DPYD: variants seen among roughly 807,000 people sequenced by gnomAD.
DPYD encodes the protein dihydropyrimidine dehydrogenase.
In DPYD, 109 loss-of-function variants were observed where a neutral mutation model predicts 116.2. The ratio of observed to expected loss-of-function variants is 0.94; its 90% CI spans 0.80 to 1.10. The LOEUF is 1.10. Ranked by LOEUF, DPYD falls within the 50% of genes least tolerant of loss-of-function variation. The pLI, the probability that DPYD is intolerant of heterozygous loss-of-function variation, is 0.00. For synonymous variants in DPYD, 440 were observed against 432.0 expected (o/e 1.02, Z -0.23); for missense variants, 1,302 against 1,254.5 (o/e 1.04, Z -0.57).
At chr1:97,253,188 T>C (rs762551445) in intron 18 of DPYD, among the ~76,000 whole-genome samples, 1 of 152,140 alleles carries the variant, frequency 6.6e-6, no homozygotes, top group Non-Finnish European at 1.5e-5. Flanking sequence ...TCACAATCAA[T>C]GATTACAAGC....
At chr1:97,514,872 G>T (rs1402028600) in intron 13 of DPYD, among the ~76,000 whole-genome samples, 6 of 151,638 alleles carry the variant, frequency 4.0e-5, no homozygotes. Flanking sequence ...GTGCTTAATG[G>T]GGCATGTTTG....
chr1:97,465,661 C>G (rs763622041), intron 13 of DPYD, among the ~76,000 whole-genome samples: 9 of 152,202 alleles, frequency 5.9e-5, no homozygotes, highest in Non-Finnish European at 1.2e-4. Flanking sequence ...TCCTTGCCTT[C>G]TGCTATGATT....
intron 8 of DPYD, among the ~76,000 whole-genome samples, chr1:97,610,954 T>C (rs1655904949): frequency 6.6e-6 from 1 of 151,534 alleles, no homozygotes; most frequent in Non-Finnish European, 1.5e-5. Flanking sequence ...TTTGTAACTA[T>C]ATATCGGTGT....
intron 14 of DPYD, among the ~76,000 whole-genome samples, chr1:97,429,051 G>A (rs1675029822): frequency 6.6e-6 from 1 of 151,896 alleles, no homozygotes; most frequent in Non-Finnish European, 1.5e-5. Context: ...TTTTAGAAAT[G>A]AACATTAGAC....
chr1:97,381,582 T>C (rs1671971016), intron 15 of DPYD, among the ~76,000 whole-genome samples: 1 of 152,180 alleles, frequency 6.6e-6, no homozygotes, highest in Non-Finnish European at 1.5e-5. Context: ...CCCTTCTCAG[T>C]TTTAAAATAT....
intron 11 of DPYD, among the ~76,000 whole-genome samples, chr1:97,550,636 T>C (rs1651252531): frequency 6.6e-6 from 1 of 152,144 alleles, no homozygotes; most frequent in Non-Finnish European, 1.5e-5. Flanking sequence ...GGATAAAATG[T>C]TCTCTCCAGG....
chr1:97,415,787 G>T (rs188659552), intron 14 of DPYD, among the ~76,000 whole-genome samples: 9 of 152,270 alleles, frequency 5.9e-5, no homozygotes, highest in Admixed American at 3.9e-4. Context: ...ACACTAACAG[G>T]TATGTTTACT....
chr1:97,134,015 ATATATATATATATATATATATATAT>A lies in DPYD; in HGVS notation c.2623-35408_2623-35384del, dbSNP rs1312542456. ...CTCTGTTTCAAAAAAAAAAAAAAAA[ATATATATATATATATATATATATAT>A]ATATATATATATATATATATATATA... On this transcript the variant is annotated intron_variant, in intron 20 of 22. Transcript: ENST00000370192. Among the ~76,000 whole-genome samples, 138 of 18,994 alleles carry A rather than the reference ATATATATATATATATATATATATAT, an allele frequency of 7.3e-3. 15 individuals carry two copies. Among genetic ancestry groups the A allele is most frequent in the African/African-American group, 0.015 (121 of 8,084 alleles). 12.5% of individuals were successfully genotyped at this position (18,994 alleles called of 152,430 possible). A position where few individuals can be genotyped will look rare whatever the true frequency, so the allele number is the denominator to read the frequency against.
At chr1:97,820,141 A>T (rs1241298120) in intron 3 of DPYD, among the ~76,000 whole-genome samples, 1 of 152,134 alleles carries the variant, frequency 6.6e-6, no homozygotes, top group East Asian at 1.9e-4. Flanking sequence ...ATTTAGCAAC[A>T]GATGCAATAT....
chr1:97,617,083 T>A (rs768717571), intron 8 of DPYD, among the ~76,000 whole-genome samples: 1 of 152,104 alleles, frequency 6.6e-6, no homozygotes, highest in African/African-American at 2.4e-5. Context: ...ACACATGCAG[T>A]CCAAGCTGCT....
intron 5 of DPYD, among the ~76,000 whole-genome samples, chr1:97,713,984 T>C (rs1329365436): frequency 5.9e-5 from 9 of 152,240 alleles, no homozygotes; most frequent in African/African-American, 1.9e-4. Context: ...TAGCTATATA[T>C]ATTAGTAATT....
Position 97,393,871 on chromosome 1 carries a change from T to A in DPYD, c.1906-11410A>T, listed in dbSNP as rs1488317215. Among the ~76,000 whole-genome samples the A allele has an allele frequency of 3.3e-5, 5 of 152,180 alleles. No homozygotes were observed. The East Asian group carries it at 7.7e-4, about 23-fold the overall frequency. On this transcript the variant is annotated intron_variant, in intron 14 of 22. Transcript: ENST00000370192. ...AGATCCTTGAGGAACTGCCACACTGTCTTCCACAATGGTTGAATTAGTTTA... is the reference window on the plus strand; with the variant it reads ...AGATCCTTGAGGAACTGCCACACTGACTTCCACAATGGTTGAATTAGTTTA...
intron 3 of DPYD, among the ~76,000 whole-genome samples, chr1:97,767,276 T>C (rs560775894): frequency 1.3e-5 from 2 of 152,312 alleles, no homozygotes; most frequent in South Asian, 4.1e-4. Flanking sequence ...CCAGGGATGG[T>C]AGTCTTTGAT....
At chr1:97,084,817 T>G (rs150017017) in intron 21 of DPYD, among the ~76,000 whole-genome samples, 3 of 152,228 alleles carry the variant, frequency 2.0e-5, no homozygotes, top group Non-Finnish European at 4.4e-5. Context: ...TAGCTTCCCA[T>G]GTTGTGGTCT....
chr1:97,406,288 TTA>T (rs1491549510), intron 14 of DPYD, among the ~76,000 whole-genome samples: 989 of 66,030 alleles, frequency 0.015, 5 homozygotes, highest in Middle Eastern at 0.027. Context: ...TTTTTTTTTT[TTA>T]AAATTATTAA....
intron 16 of DPYD, among the ~76,000 whole-genome samples, chr1:97,332,630 A>G (rs12407539): frequency 0.3 from 45,040 of 152,026 alleles, 6,981 homozygotes; most frequent in East Asian, 0.41. Context: ...CTTGTCATGT[A>G]ATAGAAAAGA....
At chr1:97,802,961 A>G (rs1667916706) in intron 3 of DPYD, among the ~76,000 whole-genome samples, 1 of 151,924 alleles carries the variant, frequency 6.6e-6, no homozygotes, top group South Asian at 2.1e-4. Flanking sequence ...ATACAGGCAA[A>G]GTTTAAATGA....
rs1667157215 is a variant in DPYD at position 97,306,246 on chromosome 1, T to A, written c.2110A>T (p.Ile704Phe). The change falls in exon 17 of 23, where the codon ATT becomes TTT. Residue 704 changes from isoleucine (I) to phenylalanine (F), a missense_variant. Ile to Phe is a conservative substitution (Grantham distance 21). Coordinates refer to ENST00000370192, the MANE Select transcript of DPYD (RefSeq NM_000110.4). ...GGGGTCAGCTTGGCAAAAAAAGGAA[T>A]CTGAACAGCTTGCCTAACCCAGCGG... ...ICRWVRQAVQ[I>F]PFFAKLTPNV... 6.2e-7 allele frequency: 1 copy of A among 1,612,514 alleles called. No individual in the cohort carries two copies.
At chr1:97,079,757 G>A (rs185033547) in intron 22 of DPYD, among the ~76,000 whole-genome samples, 1 of 152,226 alleles carries the variant, frequency 6.6e-6, no homozygotes, top group African/African-American at 2.4e-5. Flanking sequence ...CTGATGTCCA[G>A]TCCTGGCCCT....
Sources: allele counts gnomAD v4.1 joint callset (sites outside exome capture counted in the v4.1 genomes callset), GRCh38; gene constraint gnomAD v4.1.1; transcripts MANE v1.5; gene names NCBI Gene and HGNC (gene_info 2026-07-23, HGNC 2026-07-21).